Variants in PTPN14 observed in about 807,000 individuals in gnomAD.
PTPN14 encodes protein tyrosine phosphatase non-receptor type 14.
In PTPN14, 53 loss-of-function variants were observed where a neutral mutation model predicts 126.8. The ratio of observed to expected loss-of-function variants is 0.42; its 90% CI spans 0.34 to 0.53. The LOEUF (loss-of-function observed/expected upper bound fraction) is 0.53, where lower values mean the gene tolerates loss of function less well. Among genes scored for constraint, PTPN14 ranks in the 20% least tolerant of loss-of-function variants. The probability of loss-of-function intolerance (pLI) is 0.08; values close to 1 mark genes in which losing one functional copy is unlikely to be tolerated. For synonymous variants in PTPN14, 630 were observed against 599.3 expected (o/e 1.05, Z -0.75); for missense variants, 1,257 against 1,552.9 (o/e 0.81, Z 3.20).
chr1:214,445,258 C>T (rs1660117653), intron 3 of PTPN14, among the ~76,000 whole-genome samples: 1 of 152,106 alleles, frequency 6.6e-6, no homozygotes, highest in African/African-American at 2.4e-5. Context: ...ATAGAGGGTA[C>T]TTGGAACAGG....
At chr1:214,419,538 T>G (rs1659497223) in intron 3 of PTPN14, among the ~76,000 whole-genome samples, 1 of 152,176 alleles carries the variant, frequency 6.6e-6, no homozygotes, top group South Asian at 2.1e-4. Flanking sequence ...CTAGAAAACT[T>G]TCTTCATAAC....
At position 214,377,965 on chromosome 1, in the gene PTPN14, G is replaced by T; in HGVS notation, c.2682C>A (p.Asp894Glu). Reference sequence around the variant, plus strand: ...TGACAAGCCTGCCACTTACCCTCTCGTCCATGGGAACCCGGGTGGCATCAA... The same window carrying T: ...TGACAAGCCTGCCACTTACCCTCTCTTCCATGGGAACCCGGGTGGCATCAA... ...NRVDATRVPM[D>E]ERFRTLKKKL... The change falls in exon 14 of 19, where the codon GAC (aspartate) becomes GAA (glutamate). Residue 894 changes from aspartate to glutamate, a missense_variant. Asp to Glu is a conservative substitution (Grantham distance 45). Transcript: ENST00000366956. 1 of 1,612,302 alleles carries T rather than the reference G, an allele frequency of 6.2e-7. No individual in the cohort carries two copies. Among genetic ancestry groups the T allele is most frequent in the Non-Finnish European group, 8.5e-7 (1 of 1,179,326 alleles).
rs190090834 is a variant in PTPN14 at position 214,504,665 on chromosome 1, C to G, written c.-154-39708G>C. Among the ~76,000 whole-genome samples, 12 of 152,242 alleles carry G rather than the reference C, an allele frequency of 7.9e-5. No individual in the cohort carries two copies. In the East Asian group the frequency reaches 2.3e-3, roughly 29 times the overall value. On this transcript the variant is annotated intron_variant, in intron 1 of 18. Coordinates refer to ENST00000366956, the MANE Select transcript of PTPN14 (RefSeq NM_005401.5). ...CCAAATTAAATTATTTCCAAGGCAC[C>G]ACCCTGCTAGGCCCTGGGGAAATGA...
chr1:214,497,994 G>A (rs1477963157), intron 1 of PTPN14, among the ~76,000 whole-genome samples: 1 of 151,954 alleles, frequency 6.6e-6, no homozygotes, highest in Non-Finnish European at 1.5e-5. Context: ...ATAGGGTTCT[G>A]GGTGATTTTT....
At chr1:214,477,481 T>A (rs911494316) in intron 1 of PTPN14, among the ~76,000 whole-genome samples, 1 of 152,204 alleles carries the variant, frequency 6.6e-6, no homozygotes, top group Non-Finnish European at 1.5e-5. Flanking sequence ...GAACAACTTA[T>A]GTTGTACTAA....
chr1:214,497,418 T>G (rs918698330), intron 1 of PTPN14, among the ~76,000 whole-genome samples: 3 of 152,200 alleles, frequency 2.0e-5, no homozygotes, highest in Non-Finnish European at 4.4e-5. Flanking sequence ...AGGCTATTTA[T>G]TGGCATACAC....
chr1:214,410,208 T>A (rs1317728065), intron 5 of PTPN14, among the ~76,000 whole-genome samples: 2 of 152,160 alleles, frequency 1.3e-5, no homozygotes, highest in African/African-American at 4.8e-5. Flanking sequence ...ATGCAAGAAA[T>A]CGCTGCCCAG....
chr1:214,403,841 C>T (rs1378680568), intron 5 of PTPN14, among the ~76,000 whole-genome samples: 1 of 152,228 alleles, frequency 6.6e-6, no homozygotes, highest in African/African-American at 2.4e-5. Context: ...CCCAAGCCAG[C>T]TGCCTCTAGC....
At chr1:214,525,701 A>G (rs1655374846) in intron 1 of PTPN14, among the ~76,000 whole-genome samples, 1 of 152,198 alleles carries the variant, frequency 6.6e-6, no homozygotes, top group Non-Finnish European at 1.5e-5. Context: ...CTACTAGATC[A>G]ACTAAGTCAA....
chr1:214,504,490 G>C (rs1205221005), intron 1 of PTPN14, among the ~76,000 whole-genome samples: 1 of 152,158 alleles, frequency 6.6e-6, no homozygotes, highest in Non-Finnish European at 1.5e-5. Flanking sequence ...TCCCGTAGCT[G>C]TCATGTCCAA....
At chr1:214,470,834 C>T (rs1432798106) in intron 1 of PTPN14, among the ~76,000 whole-genome samples, 11 of 140,592 alleles carry the variant, frequency 7.8e-5, no homozygotes, top group Admixed American at 2.2e-4. Flanking sequence ...GCCAACATGG[C>T]GAAACCCCAT....
chr1:214,514,969 A>G (rs1655064603), intron 1 of PTPN14, among the ~76,000 whole-genome samples: 2 of 152,170 alleles, frequency 1.3e-5, no homozygotes, highest in Non-Finnish European at 2.9e-5. Context: ...CCCCTCCTGT[A>G]GCCGACAATA....
chr1:214,514,126 G>C (rs1466461730), intron 1 of PTPN14, among the ~76,000 whole-genome samples: 2 of 151,966 alleles, frequency 1.3e-5, no homozygotes, highest in African/African-American at 2.4e-5. Flanking sequence ...ACTCCAGGGG[G>C]TCTTTTACCA....
chr1:214,456,633 C>T (rs1660389214), intron 2 of PTPN14, among the ~76,000 whole-genome samples: 1 of 152,102 alleles, frequency 6.6e-6, no homozygotes, highest in East Asian at 1.9e-4. Flanking sequence ...ACCCAAGAAG[C>T]AAGTCCCATA....
chr1:214,365,167 G>A (rs1357436422), intron 17 of PTPN14, among the ~76,000 whole-genome samples: 1 of 152,138 alleles, frequency 6.6e-6, no homozygotes, highest in Non-Finnish European at 1.5e-5. Context: ...AATGTCAACT[G>A]AGGCTTGACT....
At chr1:214,434,492 A>C (rs78115782) in intron 3 of PTPN14, among the ~76,000 whole-genome samples, 1 of 152,126 alleles carries the variant, frequency 6.6e-6, no homozygotes, top group African/African-American at 2.4e-5. Flanking sequence ...GCAATGAGTA[A>C]GTTAACAGAA....
chr1:214,453,767 A>T (rs985538984), intron 2 of PTPN14, among the ~76,000 whole-genome samples: 1 of 152,210 alleles, frequency 6.6e-6, no homozygotes, highest in Non-Finnish European at 1.5e-5. Flanking sequence ...CTGGGAGTCA[A>T]TGAGAAAAAG....
At chr1:214,507,109 A>T (rs1654863405) in intron 1 of PTPN14, among the ~76,000 whole-genome samples, 2 of 152,222 alleles carry the variant, frequency 1.3e-5, no homozygotes, top group South Asian at 4.1e-4. Flanking sequence ...TGTTATTTGC[A>T]AAAGAAAAAA....
chr1:214,439,364 T>A (rs1659988606), intron 3 of PTPN14, among the ~76,000 whole-genome samples: 1 of 152,224 alleles, frequency 6.6e-6, no homozygotes, highest in African/African-American at 2.4e-5. Flanking sequence ...AACATCTATC[T>A]TTTCTACCTT....
Sources: gnomAD v4.1 joint callset for allele counts (sites outside exome capture counted in the v4.1 genomes callset) on GRCh38, gnomAD v4.1.1 for gene constraint, MANE v1.5 for transcripts, NCBI Gene and HGNC (gene_info 2026-07-23, HGNC 2026-07-21) for gene names.